The following TRABD variants were observed in gnomAD, a reference collection of about 807,000 sequenced individuals.
The protein encoded by TRABD is traB domain-containing protein.
A neutral mutation model predicts 39.6 loss-of-function variants in TRABD; 23 were observed. That is an observed-to-expected ratio of 0.58 (90% CI 0.42 to 0.82). The LOEUF (loss-of-function observed/expected upper bound fraction) is 0.82, where lower values mean the gene tolerates loss of function less well. Among genes scored for constraint, TRABD ranks in the 40% least tolerant of loss-of-function variants. The pLI, the probability that TRABD is intolerant of heterozygous loss-of-function variation, is 0.00. For missense variants in TRABD, 487 were observed against 544.9 expected (o/e 0.89, Z 1.06); for synonymous variants, 243 against 232.1 (o/e 1.05, Z -0.43).
At chr22:50,197,164 C>A in intron 5 of TRABD, 77 bp from the exon 6 acceptor site, 1 of 1,414,948 alleles carries the variant, frequency 7.1e-7, no homozygotes, top group Non-Finnish European at 9.9e-7. Context: ...GTGCTGCCTG[C>A]CATCCCAGTT....
rs6712 is a variant in TRABD at position 50,199,493 on chromosome 22, G to A, written c.*974G>A. 5.9e-5 allele frequency: 12 copies of A among 202,620 alleles called. No homozygotes were observed. The highest frequency in any genetic ancestry group is 1.2e-4 in the Admixed American group (2 of 16,692). The allele number at this position is 202,620 out of a possible 1,614,324, so 12.6% of individuals were successfully genotyped here. A position where few individuals can be genotyped will look rare whatever the true frequency, so the allele number is the denominator to read the frequency against. On this transcript the variant is annotated 3_prime_UTR_variant, in exon 10 of 10. Coordinates refer to ENST00000380909, the MANE Select transcript of TRABD (RefSeq NM_001320485.2). ...TCTCTGGTTGTGTCTGTGCCGACTC[G>A]GTGTTGAATCAAATCAGGTGTGCGT...
intron 3 of TRABD, 113 bp downstream of exon 3, chr22:50,193,767 C>A: frequency 9.4e-7 from 1 of 1,064,778 alleles, no homozygotes. Context: ...TGAGCAGGGG[C>A]CCTGGCCGAG....
chr22:50,194,816 G>C, intron 4 of TRABD, 84 bp from the exon 5 acceptor site: 3 of 1,543,846 alleles, frequency 1.9e-6, no homozygotes, highest in Non-Finnish European at 2.6e-6. Context: ...CTGCTCCTGG[G>C]ATGGGGCCCC....
rs931088845 is a variant in TRABD at position 50,190,270 on chromosome 22, C to T, written c.-34-2757C>T. Among the ~76,000 whole-genome samples the T allele has an allele frequency of 2.6e-5, 4 of 152,236 alleles. 1 individual carries two copies. Among genetic ancestry groups the T allele is most frequent in the East Asian group, 3.8e-4 (2 of 5,196 alleles). ...GCACTGCCTCTGGTGGCGCTGACAT[C>T]GTCCTGCTCAAGGCTTGGCAGCCGG... On this transcript the variant is annotated intron_variant, in intron 1 of 9. Transcript: ENST00000380909.
Position 50,198,946 on chromosome 22 carries a change from G to C in TRABD, c.*427G>C. 1 of 601,280 alleles carries C rather than the reference G, an allele frequency of 1.7e-6. No homozygotes were observed. 37.2% of individuals were successfully genotyped at this position (601,280 alleles called of 1,614,324 possible). On this transcript the variant is annotated 3_prime_UTR_variant, in exon 10 of 10. Coordinates refer to ENST00000380909, the MANE Select transcript of TRABD (RefSeq NM_001320485.2). The surrounding 1 kb of genome is among the most constrained non-coding windows in gnomAD (Gnocchi z 7.9). ...CAGGGGCGGCTCCTGGGGGCTCCAG[G>C]GCAGGCGAGACTGGGAAAGGCCCAG...
At chr22:50,189,481 T>C (rs2147090229) in intron 1 of TRABD, among the ~76,000 whole-genome samples, 1 of 152,358 alleles carries the variant, frequency 6.6e-6, no homozygotes, top group South Asian at 2.1e-4. Context: ...TCTGGCTTCC[T>C]GCCAGGCTGC....
chr22:50,194,209 T>A, intron 3 of TRABD, 131 bp from the exon 4 acceptor site: 3 of 1,165,530 alleles, frequency 2.6e-6, no homozygotes. Context: ...GTGACGCTCG[T>A]CAGGAGTCTT....
intron 3 of TRABD, among the ~76,000 whole-genome samples, chr22:50,193,976 TG>T (rs562630734): frequency 2.6e-3 from 399 of 152,304 alleles, no homozygotes; most frequent in Middle Eastern, 0.024. Context: ...CTGAGTGGGG[TG>T]GGGGGGCCCA....
chr22:50,197,985 G>A lies in TRABD; in HGVS notation c.834G>A (p.Arg278=). ...CCGCGCGGCGCCTCGAGCTGCCTCGGGCCTCTGACGGTGACGGCCGCCCGC... is the reference window on the plus strand; with the variant it reads ...CCGCGCGGCGCCTCGAGCTGCCTCGAGCCTCTGACGGTGACGGCCGCCCGC... ...RQAARRLELP[R]ASDAEPRKCV... is the part of the protein sequence containing the mutation. Residue 278 remains arginine, a synonymous_variant, in exon 8 of 10, where the codon CGG becomes CGA. Coordinates refer to ENST00000380909, the MANE Select transcript of TRABD (RefSeq NM_001320485.2). 6.2e-7 allele frequency: 1 copy of A among 1,611,690 alleles called. No homozygotes were observed. Among genetic ancestry groups the A allele is most frequent in the Non-Finnish European group, 8.5e-7 (1 of 1,179,258 alleles).
chr22:50,193,581 C>T lies in TRABD; in HGVS notation c.39C>T (p.Asn13=), dbSNP rs779899634. ...ACTCTCCTTTCCACCTGCAGGCCAA[C>T]GTGGAACCTGTTGTGCCGTCAGAGG... ...GEEQQPPHEA[N]VEPVVPSEAS... Residue 13 remains asparagine, a synonymous_variant, in exon 3 of 10, where the codon AAC becomes AAT. Transcript: ENST00000380909. 1.1e-5 allele frequency: 17 copies of T among 1,613,662 alleles called. No individual in the cohort carries two copies. The highest frequency in any genetic ancestry group is 1.3e-5 in the Non-Finnish European group (15 of 1,179,942).
At chr22:50,195,165 G>T (rs992490334) in intron 5 of TRABD, 125 bp downstream of exon 5, 3 of 1,298,084 alleles carry the variant, frequency 2.3e-6, no homozygotes, top group Non-Finnish European at 2.1e-6. Flanking sequence ...CTGCCCTGGG[G>T]ATTGCCGGGT....
chr22:50,188,468 C>A (rs1033851297), intron 1 of TRABD, among the ~76,000 whole-genome samples: 1 of 152,138 alleles, frequency 6.6e-6, no homozygotes, highest in African/African-American at 2.4e-5. Flanking sequence ...GTTCTAGGGG[C>A]CGGACATCCC....
At chr22:50,187,700 C>G (rs1357629771) in intron 1 of TRABD, among the ~76,000 whole-genome samples, 1 of 152,210 alleles carries the variant, frequency 6.6e-6, no homozygotes, top group Non-Finnish European at 1.5e-5. Context: ...GCAGGCTGGG[C>G]TGGGTGTGGT....
chr22:50,194,162 G>A (rs536215176), intron 3 of TRABD, among the ~76,000 whole-genome samples, 178 bp from the exon 4 acceptor site: 25 of 152,336 alleles, frequency 1.6e-4, no homozygotes, highest in Admixed American at 1.2e-3. Context: ...GGTGGTAGCC[G>A]GTGTTCCCAT....
chr22:50,193,029 TC>T lies in TRABD; in HGVS notation c.-28del. The T allele has an allele frequency of 6.5e-7, 1 of 1,543,562 alleles. No homozygotes were observed. ...CCGCCTCTCATGCCTCTCCTCAGGC[TC>T]CCCACAGGTGCAGGAAGCCGCCGCC... On this transcript the variant is annotated 5_prime_UTR_variant, in exon 2 of 10. Coordinates refer to ENST00000380909, the MANE Select transcript of TRABD (RefSeq NM_001320485.2).
At chr22:50,192,979 A>C in intron 1 of TRABD, 48 bp from the exon 2 acceptor site, 1 of 1,508,086 alleles carries the variant, frequency 6.6e-7, no homozygotes, top group Non-Finnish European at 8.9e-7. Context: ...GTCCTGAGCC[A>C]GGTCTGGGGC....
intron 1 of TRABD, among the ~76,000 whole-genome samples, chr22:50,187,251 C>T (rs2063782553): frequency 6.6e-6 from 1 of 152,236 alleles, no homozygotes; most frequent in Admixed American, 6.5e-5. Context: ...AGGTTGGGGG[C>T]TGCCAGGTGT....
At chr22:50,188,255 C>A (rs1046164051) in intron 1 of TRABD, among the ~76,000 whole-genome samples, 5 of 151,576 alleles carry the variant, frequency 3.3e-5, no homozygotes, top group African/African-American at 7.3e-5. Flanking sequence ...GCACTCCAGC[C>A]TGGGCGACAG....
At chr22:50,197,095 G>A in intron 5 of TRABD, 146 bp from the exon 6 acceptor site, 1 of 752,774 alleles carries the variant, frequency 1.3e-6, no homozygotes, top group Non-Finnish European at 2.2e-6. Context: ...GGGTGGTCCT[G>A]CACCTGTCGG....
Sources: allele counts gnomAD v4.1 joint callset (sites outside exome capture counted in the v4.1 genomes callset), GRCh38; gene constraint gnomAD v4.1.1; non-coding constraint Gnocchi (gnomAD v3.1); transcripts MANE v1.5; gene names NCBI Gene and HGNC (gene_info 2026-07-23, HGNC 2026-07-21).